Variants in BNC1 observed in about 807,000 individuals in gnomAD.
BNC1 encodes zinc finger protein basonuclin-1.
A neutral mutation model predicts 66.5 loss-of-function variants in BNC1; 8 were observed. The ratio of observed to expected loss-of-function variants is 0.12; its 90% CI spans 0.07 to 0.22. The LOEUF is 0.22. Ranked by LOEUF, BNC1 falls within the 10% of genes least tolerant of loss-of-function variation. BNC1 has a pLI of 1.00. For synonymous variants in BNC1, 454 were observed against 452.6 expected, an observed-to-expected ratio of 1.00 and a Z score of -0.04; for missense variants, 1,069 against 1,241.3, an observed-to-expected ratio of 0.86 and a Z score of 2.09.
chr15:83,273,031 T>C (rs550177173), intron 1 of BNC1, among the ~76,000 whole-genome samples: 3 of 152,158 alleles, frequency 2.0e-5, no homozygotes, highest in South Asian at 2.1e-4. Flanking sequence ...TAGTTTTAGT[T>C]TGGGGGCAAT....
rs142800358 is a variant in BNC1 at position 83,257,841 on chromosome 15, C to T, written c.2586G>A (p.Ser862=). The T allele has an allele frequency of 1.9e-5, 30 of 1,614,126 alleles. No homozygotes were observed. Among genetic ancestry groups the T allele is most frequent in the African/African-American group, 1.3e-4 (10 of 75,036 alleles). Residue 862 remains serine, a synonymous_variant, in exon 5 of 5, where the codon TCG becomes TCA. Transcript: ENST00000345382. The stretch of plus-strand genomic sequence containing the variant: ...GGCTGCTACTCTCTGACTTCATGCT[C>T]GAGGTAGTGCTCAAATCCAGGATGG... ...EGTILDLSTT[S]SMKSESSSHS...
rs141564168 is a variant in BNC1, at chr15:83,264,801, C to A, written c.450G>T (p.Lys150Asn). The change falls in exon 4 of 5, where the codon AAG becomes AAT. Residue 150 changes from lysine to asparagine, a missense_variant. Lys to Asn is a moderately conservative substitution (Grantham distance 94). Around this residue, in one of 7 missense-constraint regions of BNC1, gnomAD observed 39 missense variants for 89.5 expected, o/e 0.44. Transcript: ENST00000345382. ...TCATGATGCTCCAGTGATCCAACAC[C>A]TTTCCTGATGCATCCTAAACCCAAA... ...RGYVLQDASG[K>N]VLDHWSIMTS... is the part of the protein sequence containing the mutation. The A allele has an allele frequency of 6.2e-7, 1 of 1,613,656 alleles. No homozygotes were observed. Among genetic ancestry groups the A allele is most frequent in the East Asian group, 2.2e-5 (1 of 44,884 alleles).
chr15:83,284,392 C>T (rs905255125), intron 1 of BNC1, 138 bp downstream of exon 1: 9 of 474,272 alleles, frequency 1.9e-5, no homozygotes, highest in African/African-American at 1.3e-4. Context: ...GCCTCGGGGC[C>T]GCGCTGCCGC....
chr15:83,263,987 G>T lies in BNC1; in HGVS notation c.1264C>A (p.Arg422=). 6.2e-7 allele frequency: 1 copy of T among 1,614,156 alleles called. No individual in the cohort carries two copies. Among genetic ancestry groups the T allele is most frequent in the Non-Finnish European group, 8.5e-7 (1 of 1,180,028 alleles). The stretch of plus-strand genomic sequence containing the variant: ...AGGCTGTTCCTGAGGTCTTTGTCCC[G>T]GTTATTTCTGTTCATTGGCATGTGC... The part of the protein sequence containing the change: ...RLHMPMNRNN[R]DKDLRNSLNL... The change falls in exon 4 of 5, where the codon CGG becomes AGG. Residue 422 remains arginine, a synonymous_variant. Coordinates refer to ENST00000345382, the MANE Select transcript of BNC1 (RefSeq NM_001717.4).
chr15:83,284,534 G>C lies in BNC1; in HGVS notation c.95C>G (p.Ala32Gly), dbSNP rs1252730896. Residue 32 changes from alanine to glycine, a missense_variant, in exon 1 of 5, where the codon GCC becomes GGC. This residue lies in a region of BNC1 where 78 missense variants were observed against 80.9 expected (regional missense o/e 0.96). Coordinates refer to ENST00000345382, the MANE Select transcript of BNC1 (RefSeq NM_001717.4). Reference sequence around the variant, plus strand: ...CGCGGAGGGCGCCGCGCTTACCTCGGCCATCCTGCGACCGCTGCGGTGCCG... The same window carrying C: ...CGCGGAGGGCGCCGCGCTTACCTCGCCCATCCTGCGACCGCTGCGGTGCCG... Reference protein sequence around the residue: ...QPRHRSGRRMAEAISCTLNCS... With the variant: ...QPRHRSGRRMGEAISCTLNCS... 7.6e-6 allele frequency: 9 copies of C among 1,185,722 alleles called. No homozygotes were observed. 73.5% of individuals were successfully genotyped at this position (1,185,722 alleles called of 1,614,324 possible). A position where few individuals can be genotyped will look rare whatever the true frequency, so the allele number is the denominator to read the frequency against.
intron 1 of BNC1, among the ~76,000 whole-genome samples, chr15:83,281,134 G>A (rs11259906): frequency 0.37 from 56,442 of 152,090 alleles, 12,578 homozygotes; most frequent in African/African-American, 0.63. Context: ...CTCTTCGGCT[G>A]AAATAGGCAT....
chr15:83,261,803 C>T (rs974602895), intron 4 of BNC1, among the ~76,000 whole-genome samples: 6 of 152,170 alleles, frequency 3.9e-5, no homozygotes, highest in Non-Finnish European at 1.5e-5. Flanking sequence ...CTGCCAATCA[C>T]CTTTATTCTT....
Position 83,263,697 on chromosome 15 carries a change from G to A in BNC1, c.1554C>T (p.Ile518=). 1 of 1,614,222 alleles carries A rather than the reference G, an allele frequency of 6.2e-7. No individual in the cohort carries two copies. The highest frequency in any genetic ancestry group is 8.5e-7 in the Non-Finnish European group (1 of 1,180,046). The part of the protein sequence containing the change: ...LPSLPLLSSS[I]PEQLISNEMP... ...TTTCGTTTGAAATGAGCTGTTCTGG[G>A]ATTGAAGAGGACAACAGCGGGAGGG... The change falls in exon 4 of 5, where the codon ATC becomes ATT. Residue 518 remains isoleucine (I), a synonymous_variant. Coordinates refer to ENST00000345382, the MANE Select transcript of BNC1 (RefSeq NM_001717.4).
chr15:83,262,819 G>C (rs2038158954), intron 4 of BNC1, 132 bp downstream of exon 4: 21 of 959,572 alleles, frequency 2.2e-5, no homozygotes, highest in Non-Finnish European at 3.2e-5. Context: ...CCTCACCCTA[G>C]ATCTAATGAA....
At chr15:83,270,527 T>C (rs11853977) in intron 1 of BNC1, among the ~76,000 whole-genome samples, 6,592 of 152,254 alleles carry the variant, frequency 0.043, 400 homozygotes, top group East Asian at 0.14. Flanking sequence ...AGAGCCATCC[T>C]AGTGACTGTG....
intron 1 of BNC1, among the ~76,000 whole-genome samples, chr15:83,270,289 T>A (rs1430732979): frequency 1.3e-5 from 2 of 152,236 alleles, no homozygotes; most frequent in Non-Finnish European, 2.9e-5. Context: ...AACATTTTCA[T>A]CTTCCCCAAA....
chr15:83,257,277 A>G lies in BNC1; in HGVS notation c.*165T>C. The G allele has an allele frequency of 1.3e-6, 1 of 779,338 alleles. No individual in the cohort carries two copies. The highest frequency in any genetic ancestry group is 2.0e-6 in the Non-Finnish European group (1 of 496,526). The allele number at this position is 779,338 out of a possible 1,614,324, so 48.3% of individuals were successfully genotyped here. On this transcript the variant is annotated 3_prime_UTR_variant, in exon 5 of 5. Coordinates refer to ENST00000345382, the MANE Select transcript of BNC1 (RefSeq NM_001717.4). The stretch of plus-strand genomic sequence containing the variant: ...AGGGCTGCCCCAGTGTCATCTTCCC[A>G]CGAGGTTTGTCTTTTGCTCATTGTG...
At chr15:83,269,700 T>C (rs1430251530) in intron 1 of BNC1, among the ~76,000 whole-genome samples, 1 of 152,142 alleles carries the variant, frequency 6.6e-6, no homozygotes, top group Non-Finnish European at 1.5e-5. Flanking sequence ...AGAGTTACTA[T>C]ATGACCCAGA....
At chr15:83,276,472 GATT>G (rs2038325014) in intron 1 of BNC1, among the ~76,000 whole-genome samples, 1 of 152,218 alleles carries the variant, frequency 6.6e-6, no homozygotes, top group Non-Finnish European at 1.5e-5. Context: ...TATGCTTACT[GATT>G]ATTAATCTTT....
In BNC1 at chr15:83,256,008, G is replaced by A. The variant is rs951711443; in HGVS notation, c.*1434C>T. 1.3e-5 allele frequency: 2 copies of A among 152,584 alleles called. No individual in the cohort carries two copies. The highest frequency in any genetic ancestry group is 1.3e-4 in the Admixed American group (2 of 15,274). The allele number at this position is 152,584 out of a possible 1,614,324, so 9.5% of individuals were successfully genotyped here. A position where few individuals can be genotyped will look rare whatever the true frequency, so the allele number is the denominator to read the frequency against. On this transcript the variant is annotated 3_prime_UTR_variant, in exon 5 of 5. Transcript: ENST00000345382. ...CAGCTGGGTAACTAAACAGTTGAAA[G>A]ATACATTTCACTTTAAATAGAAACA...
intron 4 of BNC1, among the ~76,000 whole-genome samples, chr15:83,260,372 A>G (rs143348000): frequency 0.029 from 4,486 of 152,300 alleles, 99 homozygotes; most frequent in Non-Finnish European, 0.045. Context: ...ACAATTTTTA[A>G]ATTTTTAATT....
At position 83,283,148 on chromosome 15, in the gene BNC1, G is replaced by A. The variant is rs530184351; in HGVS notation, c.99+1382C>T. ...ATTCCACTTAACTGTCAGACTCGGA[G>A]CGGTGGCAGCCCCGCAGCCACAAAG... On this transcript the variant is annotated intron_variant, in intron 1 of 4. Coordinates refer to ENST00000345382, the MANE Select transcript of BNC1 (RefSeq NM_001717.4). 371 of 1,535,552 alleles carry A rather than the reference G, an allele frequency of 2.4e-4. 4 individuals are homozygous for A. The South Asian group carries it at 4.1e-3, about 17-fold the overall frequency.
In BNC1 at chr15:83,255,994, C is replaced by T. The variant is rs2038069527; in HGVS notation, c.*1448G>A. 1 of 152,578 alleles carries T rather than the reference C, an allele frequency of 6.6e-6. No homozygotes were observed. Among genetic ancestry groups the T allele is most frequent in the Non-Finnish European group, 1.5e-5 (1 of 68,028 alleles). 9.5% of individuals were successfully genotyped at this position (152,578 alleles called of 1,614,324 possible). ...ACTGGAATATTAAACAGCTGGGTAA[C>T]TAAACAGTTGAAAGATACATTTCAC... On this transcript the variant is annotated 3_prime_UTR_variant, in exon 5 of 5. Coordinates refer to ENST00000345382, the MANE Select transcript of BNC1 (RefSeq NM_001717.4).
intron 3 of BNC1, among the ~76,000 whole-genome samples, chr15:83,266,299 CAT>C (rs1491018416): frequency 1.3e-5 from 2 of 151,516 alleles, no homozygotes; most frequent in Admixed American, 6.6e-5. Flanking sequence ...CACACACACA[CAT>C]ATAGAGAGAG....
Sources: gnomAD v4.1 joint callset for allele counts (sites outside exome capture counted in the v4.1 genomes callset) on GRCh38, gnomAD v4.1.1 for gene constraint, gnomAD v4.1.1 regional missense constraint, MANE v1.5 for transcripts, NCBI Gene and HGNC (gene_info 2026-07-23, HGNC 2026-07-21) for gene names.